The following NPAS3 variants were observed in gnomAD, a reference collection of about 807,000 sequenced individuals.
The protein encoded by NPAS3 is neuronal PAS domain-containing protein 3.
A neutral mutation model predicts 73.1 loss-of-function variants in NPAS3; 14 were observed. That is an observed-to-expected ratio of 0.19 (90% CI 0.13 to 0.30). The LOEUF (loss-of-function observed/expected upper bound fraction) is 0.30. NPAS3 is among the 10% of genes least tolerant of loss of function. NPAS3 has a pLI of 1.00. For synonymous variants in NPAS3, 620 were observed against 541.5 expected, an observed-to-expected ratio of 1.14 and a Z score of -2.01; for missense variants, 1,096 against 1,250.0, an observed-to-expected ratio of 0.88 and a Z score of 1.86.
At chr14:33,144,890 A>C (rs902393473) in intron 2 of NPAS3, among the ~76,000 whole-genome samples, 3 of 152,164 alleles carry the variant, frequency 2.0e-5, no homozygotes, top group Non-Finnish European at 4.4e-5. Flanking sequence ...CACCACACCT[A>C]GCCTTCATGT....
intron 10 of NPAS3, among the ~76,000 whole-genome samples, chr14:33,796,528 A>G (rs2063517455): frequency 1.3e-5 from 2 of 152,198 alleles, no homozygotes; most frequent in Admixed American, 1.3e-4. Flanking sequence ...AGATTAGCAA[A>G]TGAGTCAGTA....
At chr14:33,776,006 C>G (rs1164985840) in intron 8 of NPAS3, among the ~76,000 whole-genome samples, 1 of 152,188 alleles carries the variant, frequency 6.6e-6, no homozygotes, top group Non-Finnish European at 1.5e-5. Context: ...CTGTCTCATC[C>G]TCAGCCAAGA....
chr14:33,745,199 T>C (rs1488578788), intron 7 of NPAS3, among the ~76,000 whole-genome samples: 2 of 151,616 alleles, frequency 1.3e-5, no homozygotes, highest in Non-Finnish European at 2.9e-5. Context: ...CAGTGAGCCA[T>C]GACCGTGCCA....
chr14:33,725,832 T>C lies in NPAS3; in HGVS notation c.734-9382T>C, dbSNP rs118101472. Reference sequence around the variant, plus strand: ...TGGTTTCCCTACACAGGCTGTTTCATGGCTTTCTTTGATCGCAAAACCCTG... The same window carrying C: ...TGGTTTCCCTACACAGGCTGTTTCACGGCTTTCTTTGATCGCAAAACCCTG... On this transcript the variant is annotated intron_variant, in intron 6 of 11. Coordinates refer to ENST00000356141, the Ensembl canonical transcript of NPAS3. Among the ~76,000 whole-genome samples the C allele has an allele frequency of 9.2e-3, 1,405 of 152,342 alleles. 6 individuals are homozygous for C. The highest frequency in any genetic ancestry group is 0.016 in the Non-Finnish European group (1,088 of 68,024).
chr14:33,197,562 G>A (rs1187348265), intron 2 of NPAS3, among the ~76,000 whole-genome samples: 1 of 151,912 alleles, frequency 6.6e-6, no homozygotes, highest in African/African-American at 2.4e-5. Context: ...TCCTGTAATG[G>A]AAGCAAAAAT....
At position 33,309,587 on chromosome 14, in the gene NPAS3, A is replaced by C. The variant is rs563200607; in HGVS notation, c.386-57599A>C. The stretch of plus-strand genomic sequence containing the variant: ...AGAAGCTTGGAGTAGTTTGTAAAGC[A>C]ACCTGAAATTAACCTTTTCTCCAAA... On this transcript the variant is annotated intron_variant, in intron 3 of 11. Coordinates refer to ENST00000356141, the Ensembl canonical transcript of NPAS3. Among the ~76,000 whole-genome samples, 7 of 152,272 alleles carry C rather than the reference A, an allele frequency of 4.6e-5. No homozygotes were observed. In the East Asian group the frequency reaches 1.2e-3, roughly 25 times the overall value.
chr14:33,694,876 T>G (rs1421857233), intron 6 of NPAS3, among the ~76,000 whole-genome samples: 1 of 152,182 alleles, frequency 6.6e-6, no homozygotes, highest in African/African-American at 2.4e-5. Context: ...ATCATTTAAT[T>G]CTCTGTGTCT....
At chr14:33,594,203 T>C (rs1475596069) in intron 5 of NPAS3, among the ~76,000 whole-genome samples, 7 of 152,200 alleles carry the variant, frequency 4.6e-5, no homozygotes, top group Non-Finnish European at 8.8e-5. Flanking sequence ...CCTACACATA[T>C]CTTCCTACAT....
At chr14:33,194,633 TATA>T (rs1487531731) in intron 2 of NPAS3, among the ~76,000 whole-genome samples, 3 of 152,348 alleles carry the variant, frequency 2.0e-5, no homozygotes, top group East Asian at 1.9e-4. Context: ...TGTTTGTGGT[TATA>T]ATAAGTATTA....
chr14:33,254,555 T>C (rs945261583), intron 3 of NPAS3, among the ~76,000 whole-genome samples: 2 of 152,152 alleles, frequency 1.3e-5, no homozygotes, highest in Non-Finnish European at 2.9e-5. Flanking sequence ...AAGCCTACGG[T>C]AGTGCCTGGC....
chr14:33,800,617 C>A lies in NPAS3; in HGVS notation c.2310C>A (p.Gly770=), dbSNP rs1595644719. ...ACGGCGGCGGGGGCGGGGGCGGGGG[C>A]GGCGGCGCGGGGGGCGGCGGCCCCA... The change falls in exon 12 of 12, where the codon GGC becomes GGA. Residue 770 remains glycine (G), a synonymous_variant. Transcript: ENST00000356141. This position sits in a 1 kb window ranked among gnomAD's most constrained non-coding sequence, Gnocchi z 6.5. 6.7e-6 allele frequency: 9 copies of A among 1,346,078 alleles called. No homozygotes were observed. In the East Asian group the frequency reaches 1.6e-4, roughly 23 times the overall value. The allele number at this position is 1,346,078 out of a possible 1,614,324, so 83.4% of individuals were successfully genotyped here.
At chr14:33,093,981 A>G (rs1422403251) in intron 2 of NPAS3, among the ~76,000 whole-genome samples, 4 of 148,124 alleles carry the variant, frequency 2.7e-5, no homozygotes, top group African/African-American at 4.9e-5. Flanking sequence ...GGGTGGGGGA[A>G]GGGGGAGGGA....
chr14:33,286,161 A>C (rs566707294), intron 3 of NPAS3, among the ~76,000 whole-genome samples: 3 of 152,258 alleles, frequency 2.0e-5, no homozygotes, highest in East Asian at 3.9e-4. Flanking sequence ...AGCCAGTTAA[A>C]TGGCTATAGC....
intron 3 of NPAS3, among the ~76,000 whole-genome samples, chr14:33,288,271 C>T (rs2041958874): frequency 6.6e-6 from 1 of 152,082 alleles, no homozygotes; most frequent in African/African-American, 2.4e-5. Flanking sequence ...TGCTTTGGCC[C>T]TTGTGCATTT....
chr14:33,344,121 T>C (rs531676088), intron 3 of NPAS3, among the ~76,000 whole-genome samples: 1 of 152,264 alleles, frequency 6.6e-6, no homozygotes, highest in South Asian at 2.1e-4. Flanking sequence ...TTATTATTCA[T>C]TTCCCAGCAA....
At chr14:33,377,654 T>C (rs373673647) in intron 4 of NPAS3, among the ~76,000 whole-genome samples, 1 of 152,188 alleles carries the variant, frequency 6.6e-6, no homozygotes. Flanking sequence ...AATAAACATA[T>C]GTCATCATTC....
chr14:33,227,569 G>A (rs2047681737), intron 3 of NPAS3, among the ~76,000 whole-genome samples: 1 of 152,134 alleles, frequency 6.6e-6, no homozygotes, highest in Non-Finnish European at 1.5e-5. Flanking sequence ...GGGTCACATA[G>A]CCATTTTCTT....
At chr14:33,472,943 G>A (rs1426713690) in intron 4 of NPAS3, among the ~76,000 whole-genome samples, 2 of 150,790 alleles carry the variant, frequency 1.3e-5, no homozygotes, top group African/African-American at 2.5e-5. Flanking sequence ...CATTTAAAAA[G>A]CAAAAACAGC....
At chr14:33,017,572 T>C (rs2039439412) in intron 1 of NPAS3, among the ~76,000 whole-genome samples, 1 of 152,084 alleles carries the variant, frequency 6.6e-6, no homozygotes, top group Non-Finnish European at 1.5e-5. Context: ...TTAATCAGAG[T>C]CCCATTTATT....
Sources: allele counts gnomAD v4.1 joint callset (sites outside exome capture counted in the v4.1 genomes callset), GRCh38; gene constraint gnomAD v4.1.1; non-coding constraint Gnocchi (gnomAD v3.1); transcripts MANE v1.5; gene names NCBI Gene and HGNC (gene_info 2026-07-23, HGNC 2026-07-21).